Variants in GNS observed in about 807,000 individuals in gnomAD.
GNS encodes the protein N-acetylglucosamine-6-sulfatase.
A neutral mutation model predicts 69.7 loss-of-function variants in GNS; 40 were observed. The observed-to-expected ratio is 0.57, with a 90% CI of 0.45 to 0.75. The LOEUF (loss-of-function observed/expected upper bound fraction) is 0.75, where lower values mean the gene tolerates loss of function less well. GNS is among the 30% of genes least tolerant of loss of function. The pLI is 0.00. For synonymous variants in GNS, 243 were observed against 251.6 expected (o/e 0.97, Z 0.32); for missense variants, 565 against 685.5 (o/e 0.82, Z 1.96).
chr12:64,739,608 T>TAA, intron 7 of GNS, 109 bp from the exon 8 acceptor site: 1 of 488,184 alleles, frequency 2.0e-6, no homozygotes, highest in Non-Finnish European at 3.7e-6. Flanking sequence ...CACCCCCGTT[T>TAA]AAAAAAAAAA....
At chr12:64,720,524 T>C (rs147709026) in intron 12 of GNS, among the ~76,000 whole-genome samples, 25 of 152,312 alleles carry the variant, frequency 1.6e-4, no homozygotes, top group African/African-American at 5.8e-4. Flanking sequence ...GAGCCTCCAA[T>C]GGCAAGGTCT....
chr12:64,758,775 T>C (rs1410438146), intron 1 of GNS, among the ~76,000 whole-genome samples: 1 of 152,198 alleles, frequency 6.6e-6, no homozygotes, highest in Admixed American at 6.5e-5. Flanking sequence ...AGACAGCACC[T>C]GATCCTCATT....
At chr12:64,745,904 G>A in intron 3 of GNS, 180 bp from the exon 4 acceptor site, 2 of 606,204 alleles carry the variant, frequency 3.3e-6, no homozygotes, top group South Asian at 4.1e-5. Flanking sequence ...TAAAGCAGGA[G>A]TTGGCAAACT....
At chr12:64,722,308 G>A (rs1414965000) in intron 11 of GNS, among the ~76,000 whole-genome samples, 1 of 152,118 alleles carries the variant, frequency 6.6e-6, no homozygotes, top group Non-Finnish European at 1.5e-5. Context: ...GTGAGCCACA[G>A]TACCCAGCCC....
intron 6 of GNS, among the ~76,000 whole-genome samples, chr12:64,742,121 C>T (rs758666699): frequency 2.0e-5 from 3 of 152,134 alleles, no homozygotes; most frequent in African/African-American, 7.2e-5. Context: ...CCCGGGTTCA[C>T]GCCATTCTCC....
At chr12:64,750,855 T>C (rs529288550) in intron 2 of GNS, among the ~76,000 whole-genome samples, 2 of 152,252 alleles carry the variant, frequency 1.3e-5, no homozygotes, top group South Asian at 4.1e-4. Flanking sequence ...AAGTCTTCAG[T>C]GAGCTACGTC....
rs746553347 is a variant in GNS at position 64,745,647 on chromosome 12, A to G, written c.525+12T>C. ...CTGCATAAAATTGTCACAGACTTCA[A>G]TAATCACTCACCAAGGCATACCAGT... On this transcript the variant is annotated intron_variant, in intron 4 of 13. Coordinates refer to ENST00000258145, the MANE Select transcript of GNS (RefSeq NM_002076.4). The G allele has an allele frequency of 2.7e-6, 4 of 1,498,988 alleles. No individual in the cohort carries two copies. The highest frequency in any genetic ancestry group is 3.7e-6 in the Non-Finnish European group (4 of 1,074,864). The allele number at this position is 1,498,988 out of a possible 1,614,324, so 92.9% of individuals were successfully genotyped here.
intron 8 of GNS, among the ~76,000 whole-genome samples, chr12:64,738,374 T>C (rs946664023): frequency 2.0e-5 from 3 of 152,144 alleles, no homozygotes; most frequent in Admixed American, 2.0e-4. Flanking sequence ...CCTGGAGTCA[T>C]GTGTATGGGA....
intron 8 of GNS, 130 bp downstream of exon 8, chr12:64,739,250 CT>C: frequency 2.6e-6 from 2 of 770,720 alleles, no homozygotes; most frequent in Non-Finnish European, 4.8e-6. Context: ...TGGAGGGGTC[CT>C]GAGGGCAAGA....
At chr12:64,746,630 T>C (rs1248707114) in intron 3 of GNS, among the ~76,000 whole-genome samples, 1 of 152,230 alleles carries the variant, frequency 6.6e-6, no homozygotes, top group Non-Finnish European at 1.5e-5. Context: ...TATCCCACTT[T>C]ATCCTTACAA....
intron 9 of GNS, among the ~76,000 whole-genome samples, chr12:64,732,306 T>A (rs1869426132): frequency 6.6e-6 from 1 of 151,446 alleles, no homozygotes. Flanking sequence ...TAGCTGGGAC[T>A]ACAGGCGCCT....
intron 2 of GNS, among the ~76,000 whole-genome samples, chr12:64,750,207 C>T (rs555603261): frequency 2.1e-4 from 32 of 152,018 alleles, no homozygotes; most frequent in South Asian, 1.0e-3. Context: ...CCACCACGCC[C>T]GGCTAATTTT....
chr12:64,722,454 A>T (rs1305271966), intron 11 of GNS, among the ~76,000 whole-genome samples: 1 of 152,226 alleles, frequency 6.6e-6, no homozygotes, highest in East Asian at 1.9e-4. Flanking sequence ...ACTTAAATCT[A>T]ATTTGTCTAC....
chr12:64,733,368 T>G (rs1365361653), intron 9 of GNS, among the ~76,000 whole-genome samples: 2 of 148,124 alleles, frequency 1.4e-5, no homozygotes, highest in Non-Finnish European at 3.0e-5. Flanking sequence ...GCATTGAACC[T>G]GCTTATTCTT....
intron 1 of GNS, among the ~76,000 whole-genome samples, chr12:64,755,608 C>T (rs928513851): frequency 8.0e-5 from 12 of 150,450 alleles, no homozygotes; most frequent in African/African-American, 2.7e-4. Flanking sequence ...TCTTCCCCTA[C>T]CTTTCATCAT....
chr12:64,720,452 C>T (rs570979601), intron 12 of GNS, among the ~76,000 whole-genome samples: 15 of 152,292 alleles, frequency 9.8e-5, no homozygotes, highest in African/African-American at 3.6e-4. Context: ...TGCCTTCAGG[C>T]AGAGGCAAGA....
Position 64,714,549 on chromosome 12 carries a change from T to C in GNS, c.*2192A>G, listed in dbSNP as rs1368547360. The stretch of plus-strand genomic sequence containing the variant: ...CTATTTGAAGGTTAGATAGGAAATA[T>C]ACCAAAAATAGAAGAGCGTAGAGAG... On this transcript the variant is annotated 3_prime_UTR_variant, in exon 14 of 14. Transcript: ENST00000258145. 3 of 152,116 alleles carry C rather than the reference T, an allele frequency of 2.0e-5. No individual in the cohort carries two copies. Among genetic ancestry groups the C allele is most frequent in the South Asian group, 2.1e-4 (1 of 4,826 alleles). The allele number at this position is 152,116 out of a possible 1,614,324, so 9.4% of individuals were successfully genotyped here.
chr12:64,729,522 T>C (rs981797726), intron 9 of GNS, among the ~76,000 whole-genome samples: 2 of 152,234 alleles, frequency 1.3e-5, no homozygotes, highest in African/African-American at 4.8e-5. Context: ...GCTCTTTTTA[T>C]AGCTTCTCAA....
intron 9 of GNS, among the ~76,000 whole-genome samples, chr12:64,734,132 TGGG>T (rs1379752917): frequency 6.6e-6 from 1 of 152,234 alleles, no homozygotes. Context: ...AGGGGAAAGC[TGGG>T]GCATTTCATG....
Sources: allele counts gnomAD v4.1 joint callset (sites outside exome capture counted in the v4.1 genomes callset), GRCh38; gene constraint gnomAD v4.1.1; transcripts MANE v1.5; gene names NCBI Gene and HGNC (gene_info 2026-07-23, HGNC 2026-07-21).